Variants in ADGRB3 observed in about 807,000 individuals in gnomAD.
ADGRB3 encodes the protein adhesion G protein-coupled receptor B3, also known as brain-specific angiogenesis inhibitor 3.
Under a neutral mutation model 193.4 loss-of-function variants are expected in ADGRB3, and 37 were observed. That is an observed-to-expected ratio of 0.19 (90% CI 0.15 to 0.25). The LOEUF is 0.25. Ranked by LOEUF, ADGRB3 falls within the 10% of genes least tolerant of loss-of-function variation. The pLI is 1.00. For synonymous variants in ADGRB3, 690 were observed against 644.2 expected (o/e 1.07, Z -1.08); for missense variants, 1,637 against 1,852.9 (o/e 0.88, Z 2.14).
chr6:69,056,475 G>GT (rs1187802591), intron 15 of ADGRB3, among the ~76,000 whole-genome samples: 1 of 151,838 alleles, frequency 6.6e-6, no homozygotes, highest in Non-Finnish European at 1.5e-5. Context: ...ACTTTGTTTT[G>GT]TTTTTTAATT....
intron 3 of ADGRB3, among the ~76,000 whole-genome samples, chr6:68,826,433 T>G (rs972803329): frequency 6.6e-6 from 1 of 152,160 alleles, no homozygotes; most frequent in African/African-American, 2.4e-5. Flanking sequence ...GGAGTCTGCT[T>G]GGCTGGAGCA....
Position 68,961,637 on chromosome 6 carries a change from A to G in ADGRB3, c.1525+4828A>G, listed in dbSNP as rs569964326. On this transcript the variant is annotated intron_variant, in intron 8 of 31. Transcript: ENST00000370598. ...CTAAACTAAACTCTTGAACCACTCA[A>G]TTTTAAGACTGAATGTAATCATTAT... Among the ~76,000 whole-genome samples, 7 of 152,236 alleles carry G rather than the reference A, an allele frequency of 4.6e-5. No homozygotes were observed. The South Asian group carries it at 1.0e-3, about 23-fold the overall frequency.
At chr6:68,976,775 G>A (rs1768761328) in intron 10 of ADGRB3, among the ~76,000 whole-genome samples, 1 of 151,994 alleles carries the variant, frequency 6.6e-6, no homozygotes, top group South Asian at 2.1e-4. Flanking sequence ...TGGTCTTGCA[G>A]GCTCAGGAGT....
At chr6:68,821,087 A>G (rs1767740303) in intron 3 of ADGRB3, among the ~76,000 whole-genome samples, 1 of 152,046 alleles carries the variant, frequency 6.6e-6, no homozygotes, top group Admixed American at 6.6e-5. Flanking sequence ...ATGAAACTTC[A>G]GAAAACAAGG....
intron 3 of ADGRB3, among the ~76,000 whole-genome samples, chr6:68,661,540 T>TATATATATATATATATATATATGTATAC (rs1768655041): frequency 1.6e-4 from 1 of 6,244 alleles, no homozygotes; most frequent in Admixed American, 2.0e-3. Context: ...TGTGTATACA[T>TATATATATATATATATATATATGTATAC]ATATATATAT....
chr6:69,124,713 T>A (rs1773809544), intron 17 of ADGRB3, among the ~76,000 whole-genome samples: 1 of 152,228 alleles, frequency 6.6e-6, no homozygotes, highest in Admixed American at 6.5e-5. Flanking sequence ...TTTGATTTAT[T>A]CTTTCTATAT....
intron 16 of ADGRB3, among the ~76,000 whole-genome samples, chr6:69,073,194 T>C (rs1377707588): frequency 6.6e-6 from 1 of 152,128 alleles, no homozygotes; most frequent in Non-Finnish European, 1.5e-5. Context: ...GGAAAGACAG[T>C]GTTATTATAC....
rs1317777709 is a variant in ADGRB3 at position 69,146,877 on chromosome 6, A to G, written c.2480+70839A>G. ...AGGTTTTGGACCTCTTCATGGTTTA[A>G]TATTGGTAAATTGTATATGTCTAGG... On this transcript the variant is annotated intron_variant, in intron 17 of 31. Coordinates refer to ENST00000370598, the MANE Select transcript of ADGRB3 (RefSeq NM_001704.3). 3.5e-5 allele frequency among the ~76,000 whole-genome samples: 4 copies of G among 113,168 alleles called. No individual in the cohort carries two copies. The South Asian group carries it at 1.1e-3, about 31-fold the overall frequency. The allele number at this position is 113,168 out of a possible 152,430, so 74.2% of individuals were successfully genotyped here.
chr6:69,307,456 T>C (rs567604140), intron 20 of ADGRB3, among the ~76,000 whole-genome samples: 1 of 151,706 alleles, frequency 6.6e-6, no homozygotes, highest in African/African-American at 2.4e-5. Context: ...TTGGTACATT[T>C]TGAGTTCTTG....
intron 15 of ADGRB3, among the ~76,000 whole-genome samples, chr6:69,060,573 T>C (rs1771719409): frequency 6.6e-6 from 1 of 152,046 alleles, no homozygotes; most frequent in African/African-American, 2.4e-5. Flanking sequence ...CTTTCTAATA[T>C]AATAATTTAA....
At chr6:68,930,152 A>G (rs79485963) in intron 3 of ADGRB3, among the ~76,000 whole-genome samples, 465 of 152,110 alleles carry the variant, frequency 3.1e-3, no homozygotes, top group Non-Finnish European at 5.2e-3. Flanking sequence ...GTAACAAGAA[A>G]ACTGCTGACA....
intron 3 of ADGRB3, among the ~76,000 whole-genome samples, chr6:68,855,787 G>A (rs763489727): frequency 3.3e-5 from 5 of 152,072 alleles, no homozygotes; most frequent in Non-Finnish European, 5.9e-5. Flanking sequence ...AGAAGGCCAC[G>A]GCAGGAAGAT....
intron 20 of ADGRB3, among the ~76,000 whole-genome samples, chr6:69,324,178 A>C (rs1768519437): frequency 6.6e-6 from 1 of 152,188 alleles, no homozygotes; most frequent in Non-Finnish European, 1.5e-5. Context: ...TTACGTGAAG[A>C]AAAATATCTA....
At chr6:69,005,245 A>G (rs948245279) in intron 11 of ADGRB3, among the ~76,000 whole-genome samples, 1 of 151,522 alleles carries the variant, frequency 6.6e-6, no homozygotes, top group Non-Finnish European at 1.5e-5. Flanking sequence ...CAAAGCACTA[A>G]AGATTGGATG....
At chr6:68,897,755 G>GAGGGAGAGGGGAGGGC (rs1766274928) in intron 3 of ADGRB3, among the ~76,000 whole-genome samples, 1 of 2,356 alleles carries the variant, frequency 4.2e-4, no homozygotes, top group African/African-American at 1.1e-3. Flanking sequence ...GGAAGGGAGG[G>GAGGGAGAGGGGAGGGC]AGGAAAAGGG....
At chr6:69,210,149 C>CATAT (rs58586306) in intron 17 of ADGRB3, among the ~76,000 whole-genome samples, 12,861 of 78,828 alleles carry the variant, frequency 0.16, 2,267 homozygotes, top group Middle Eastern at 0.28. Flanking sequence ...TAATATATAT[C>CATAT]ATATATATAT....
chr6:69,165,395 G>A (rs1268570995), intron 17 of ADGRB3, among the ~76,000 whole-genome samples: 1 of 151,786 alleles, frequency 6.6e-6, no homozygotes, highest in Non-Finnish European at 1.5e-5. Context: ...CTTCTCCCGC[G>A]GCAGCCATCC....
At position 69,075,075 on chromosome 6, in the gene ADGRB3, A is replaced by T. The variant is rs534603882; in HGVS notation, c.2437-920A>T. ...AAGAGTCTACCCAAATATCTAATAC[A>T]ATCTTAGTTTGCATTATTAGGAAGA... is the stretch of plus-strand genomic sequence containing the variant. On this transcript the variant is annotated intron_variant, in intron 16 of 31. Coordinates refer to ENST00000370598, the MANE Select transcript of ADGRB3 (RefSeq NM_001704.3). 3.9e-5 allele frequency among the ~76,000 whole-genome samples: 6 copies of T among 152,288 alleles called. 1 individual carries two copies. In the East Asian group the frequency reaches 1.2e-3, roughly 29 times the overall value.
intron 17 of ADGRB3, among the ~76,000 whole-genome samples, chr6:69,079,553 G>C (rs895452553): frequency 6.6e-6 from 1 of 151,990 alleles, no homozygotes; most frequent in Non-Finnish European, 1.5e-5. Flanking sequence ...CCTATTCAAC[G>C]TAGTATTGGA....
Sources: allele counts gnomAD v4.1 joint callset (sites outside exome capture counted in the v4.1 genomes callset), GRCh38; gene constraint gnomAD v4.1.1; transcripts MANE v1.5; gene names NCBI Gene and HGNC (gene_info 2026-07-23, HGNC 2026-07-21).